The following SPTLC3 variants were observed in gnomAD, a reference collection of about 807,000 sequenced individuals.
The protein encoded by SPTLC3 is serine palmitoyltransferase 3.
Under a neutral mutation model 59.3 loss-of-function variants are expected in SPTLC3, and 36 were observed. The ratio of observed to expected loss-of-function variants is 0.61; its 90% CI spans 0.47 to 0.80. SPTLC3 has a LOEUF of 0.80. SPTLC3 is among the 30% of genes least tolerant of loss of function. SPTLC3 has a pLI of 0.00. For synonymous variants in SPTLC3, 257 were observed against 240.8 expected (o/e 1.07, Z -0.62); for missense variants, 625 against 685.1 (o/e 0.91, Z 0.98).
chr20:13,046,514 T>C (rs1600228712), intron 1 of SPTLC3, among the ~76,000 whole-genome samples: 1 of 152,222 alleles, frequency 6.6e-6, no homozygotes, highest in South Asian at 2.1e-4. Flanking sequence ...CATGAGACTC[T>C]GAGTCCCTTT....
intron 7 of SPTLC3, 24 bp from the exon 8 acceptor site, chr20:13,117,482 T>C (rs369161706): frequency 3.0e-4 from 469 of 1,550,508 alleles, no homozygotes; most frequent in Non-Finnish European, 4.0e-4. Context: ...TTGTTAGTTA[T>C]GAGCATTTCT....
At chr20:13,154,897 C>T (rs1260268475) in intron 10 of SPTLC3, among the ~76,000 whole-genome samples, 3 of 152,186 alleles carry the variant, frequency 2.0e-5, no homozygotes, top group African/African-American at 7.2e-5. Flanking sequence ...AGGAAGTTAA[C>T]TGGCAGGGCA....
Position 13,126,655 on chromosome 20 carries a change from C to A in SPTLC3, c.1217C>A (p.Pro406Gln), listed in dbSNP as rs773287063. The change falls in exon 9 of 12, where the codon CCG becomes CAG. Residue 406 changes from proline to glutamine, a missense_variant. By Grantham distance (76) the Pro-to-Gln change is moderately conservative (BLOSUM62 -1). Transcript: ENST00000399002. Reference protein sequence around the residue: ...SAVYASSMSPPIAEQIIRSLK... With the variant: ...SAVYASSMSPQIAEQIIRSLK... ...GTTTATGCTTCATCCATGAGCCCACCGATAGCAGAGCAAATCATCAGATCA... is the reference window on the plus strand; with the variant it reads ...GTTTATGCTTCATCCATGAGCCCACAGATAGCAGAGCAAATCATCAGATCA... The A allele has an allele frequency of 6.2e-7, 1 of 1,614,020 alleles. No homozygotes were observed. The highest frequency in any genetic ancestry group is 8.5e-7 in the Non-Finnish European group (1 of 1,179,938).
chr20:13,092,614 G>T (rs1485720140), intron 5 of SPTLC3, among the ~76,000 whole-genome samples: 1 of 152,258 alleles, frequency 6.6e-6, no homozygotes, highest in East Asian at 1.9e-4. Flanking sequence ...CTTAGGGAAG[G>T]TGAGGTAGAG....
chr20:13,119,796 G>A (rs1990800831), intron 8 of SPTLC3, among the ~76,000 whole-genome samples: 2 of 152,172 alleles, frequency 1.3e-5, no homozygotes, highest in Non-Finnish European at 2.9e-5. Context: ...TGAAAACATA[G>A]GGGCTGTTTC....
chr20:13,095,583 A>T (rs1487046718), intron 6 of SPTLC3, among the ~76,000 whole-genome samples: 1 of 152,314 alleles, frequency 6.6e-6, no homozygotes, highest in East Asian at 1.9e-4. Flanking sequence ...CCTATTCTCC[A>T]GCTTAAGGCT....
rs6109659 is a variant in SPTLC3 at position 13,030,921 on chromosome 20, T to A, written c.118-18024T>A. On this transcript the variant is annotated intron_variant, in intron 1 of 11. Transcript: ENST00000399002. The stretch of plus-strand genomic sequence containing the variant: ...CCATCCTATAACCACTCCACAGCAC[T>A]CTTAATTACTTATAATTTTCCTTTT... Among the ~76,000 whole-genome samples the A allele has an allele frequency of 5.8e-3, 881 of 152,276 alleles. 11 individuals carry two copies. Among genetic ancestry groups the A allele is most frequent in the African/African-American group, 0.02 (843 of 41,562 alleles).
At chr20:13,160,469 C>G (rs1052577651) in intron 11 of SPTLC3, among the ~76,000 whole-genome samples, 5 of 152,154 alleles carry the variant, frequency 3.3e-5, no homozygotes, top group African/African-American at 1.2e-4. Context: ...TACATGCATC[C>G]TGACATTTTT....
chr20:13,019,467 T>A (rs1345661465), intron 1 of SPTLC3, among the ~76,000 whole-genome samples: 2 of 152,182 alleles, frequency 1.3e-5, no homozygotes, highest in Non-Finnish European at 2.9e-5. Flanking sequence ...CTCGCCTCGA[T>A]TTAATTTACT....
intron 2 of SPTLC3, chr20:13,049,801 C>G (rs1286202848): frequency 6.6e-6 from 1 of 152,120 alleles, no homozygotes; most frequent in African/African-American, 2.4e-5. Context: ...TCCCCAGTAC[C>G]AACTTGGAGC....
rs201529596 is a variant in SPTLC3, at chr20:13,049,141, G to A, written c.303+11G>A. On this transcript the variant is annotated intron_variant, in intron 2 of 11. Coordinates refer to ENST00000399002, the MANE Select transcript of SPTLC3 (RefSeq NM_018327.4). ...AGAAAAGAACAAAAAGTACGTATGC[G>A]CACCTCCCTGGATCTTTGTCAATGC... The A allele has an allele frequency of 1.9e-4, 302 of 1,611,920 alleles. 2 individuals carry two copies. Among genetic ancestry groups the A allele is most frequent in the South Asian group, 2.3e-4 (21 of 90,806 alleles).
intron 2 of SPTLC3, among the ~76,000 whole-genome samples, chr20:13,065,001 A>T (rs2122548124): frequency 6.6e-6 from 1 of 152,258 alleles, no homozygotes; most frequent in East Asian, 1.9e-4. Flanking sequence ...TAGCAAAGCA[A>T]TTGTTATTTT....
At chr20:13,098,302 C>A (rs1989491358) in intron 6 of SPTLC3, among the ~76,000 whole-genome samples, 1 of 152,024 alleles carries the variant, frequency 6.6e-6, no homozygotes, top group African/African-American at 2.4e-5. Flanking sequence ...TTCAGGGAAA[C>A]AATTGTGTGT....
At chr20:13,137,605 C>A (rs764102711) in intron 9 of SPTLC3, among the ~76,000 whole-genome samples, 2 of 152,054 alleles carry the variant, frequency 1.3e-5, no homozygotes, top group African/African-American at 4.8e-5. Context: ...ATCAGAGAGG[C>A]TAAAGATGAC....
chr20:13,160,826 A>G (rs1472539853), intron 11 of SPTLC3, among the ~76,000 whole-genome samples: 1 of 152,260 alleles, frequency 6.6e-6, no homozygotes, highest in Non-Finnish European at 1.5e-5. Flanking sequence ...ATCTTGAAGA[A>G]GAAATATAGA....
Position 13,071,290 on chromosome 20 carries a change from T to C in SPTLC3, c.304-966T>C, listed in dbSNP as rs547855918. ...ATTTACAGCATTCTGGTTTTAGTAA[T>C]GGTATTTCCACTTACATAATATAGT... On this transcript the variant is annotated intron_variant, in intron 2 of 11. Coordinates refer to ENST00000399002, the MANE Select transcript of SPTLC3 (RefSeq NM_018327.4). Among the ~76,000 whole-genome samples the C allele has an allele frequency of 3.9e-5, 6 of 152,334 alleles. No individual in the cohort carries two copies. The South Asian group carries it at 8.3e-4, about 21-fold the overall frequency.
At chr20:13,062,992 T>C (rs1181712023) in intron 2 of SPTLC3, among the ~76,000 whole-genome samples, 1 of 152,224 alleles carries the variant, frequency 6.6e-6, no homozygotes, top group Non-Finnish European at 1.5e-5. Flanking sequence ...TTCTGAGACA[T>C]ACTGCCAATT....
chr20:13,089,551 C>A (rs1208947592), intron 4 of SPTLC3, among the ~76,000 whole-genome samples: 1 of 152,010 alleles, frequency 6.6e-6, no homozygotes. Context: ...TTTGGGAGGC[C>A]ACAGCGGGTG....
chr20:13,078,056 A>C (rs1264106093), intron 4 of SPTLC3, among the ~76,000 whole-genome samples: 1 of 150,270 alleles, frequency 6.7e-6, no homozygotes, highest in Non-Finnish European at 1.5e-5. Context: ...ACATGCATTT[A>C]ATAAAGGGAA....
Sources: allele counts gnomAD v4.1 joint callset (sites outside exome capture counted in the v4.1 genomes callset), GRCh38; gene constraint gnomAD v4.1.1; transcripts MANE v1.5; gene names NCBI Gene and HGNC (gene_info 2026-07-23, HGNC 2026-07-21).